The following WDFY2 variants were observed in gnomAD, a reference collection of about 807,000 sequenced individuals.
WDFY2 encodes WD repeat and FYVE domain-containing protein 2.
WDFY2 carries 36 observed loss-of-function variants against 56.4 expected under a neutral mutation model. The observed-to-expected ratio is 0.64, with a 90% CI of 0.49 to 0.84. WDFY2 has a LOEUF of 0.84. Ranked by LOEUF, WDFY2 falls within the 40% of genes least tolerant of loss-of-function variation. The pLI, the probability that WDFY2 is intolerant of heterozygous loss-of-function variation, is 0.00. For synonymous variants in WDFY2, 176 were observed against 183.7 expected, an observed-to-expected ratio of 0.96 and a Z score of 0.34; for missense variants, 444 against 512.2, an observed-to-expected ratio of 0.87 and a Z score of 1.29.
intron 4 of WDFY2, among the ~76,000 whole-genome samples, chr13:51,718,887 G>T (rs1375273485): frequency 2.0e-5 from 3 of 152,206 alleles, no homozygotes; most frequent in African/African-American, 7.2e-5. Context: ...GAGGGAGGTG[G>T]CCCAGGCCCT....
At chr13:51,686,818 A>G (rs1401307008) in intron 3 of WDFY2, among the ~76,000 whole-genome samples, 1 of 152,052 alleles carries the variant, frequency 6.6e-6, no homozygotes, top group Non-Finnish European at 1.5e-5. Flanking sequence ...ATTTTTCAGT[A>G]TTGATTAGGA....
rs1338542143 is a variant in WDFY2 at position 51,763,560 on chromosome 13, A to C, written c.*3791A>C. 1 of 152,234 alleles carries C rather than the reference A, an allele frequency of 6.6e-6. No homozygotes were observed. The highest frequency in any genetic ancestry group is 1.5e-5 in the Non-Finnish European group (1 of 68,058). 9.4% of individuals were successfully genotyped at this position (152,234 alleles called of 1,614,324 possible). A position where few individuals can be genotyped will look rare whatever the true frequency, so the allele number is the denominator to read the frequency against. On this transcript the variant is annotated 3_prime_UTR_variant, in exon 12 of 12. Transcript: ENST00000298125. ...ACACCTATAATCTGAACACTTTGGG[A>C]GGACAAGGTGGGAGGATTGCTGAGC...
chr13:51,728,381 A>T (rs1463888544), intron 6 of WDFY2, among the ~76,000 whole-genome samples: 1 of 152,216 alleles, frequency 6.6e-6, no homozygotes, highest in Non-Finnish European at 1.5e-5. Flanking sequence ...ATTCATGCTT[A>T]GCCTTTGAAA....
intron 1 of WDFY2, among the ~76,000 whole-genome samples, chr13:51,647,067 A>G (rs1955275920): frequency 6.6e-6 from 1 of 152,210 alleles, no homozygotes; most frequent in Non-Finnish European, 1.5e-5. Context: ...TATTATAAGT[A>G]ATTTAGAGAT....
chr13:51,726,268 G>A (rs1443970803), intron 5 of WDFY2, among the ~76,000 whole-genome samples: 1 of 152,170 alleles, frequency 6.6e-6, no homozygotes, highest in Non-Finnish European at 1.5e-5. Context: ...TGGTGTCTGT[G>A]TATAAAGATC....
intron 3 of WDFY2, among the ~76,000 whole-genome samples, chr13:51,679,863 T>G (rs1380278120): frequency 6.6e-6 from 1 of 152,152 alleles, no homozygotes; most frequent in Non-Finnish European, 1.5e-5. Flanking sequence ...TCTCTCCAGT[T>G]CTTGCCTGCA....
At chr13:51,682,352 A>G (rs1955993869) in intron 3 of WDFY2, among the ~76,000 whole-genome samples, 1 of 152,170 alleles carries the variant, frequency 6.6e-6, no homozygotes, top group Non-Finnish European at 1.5e-5. Context: ...TGATGTAATT[A>G]TTTTATTAAT....
Position 51,761,002 on chromosome 13 carries a change from C to T in WDFY2, c.*1233C>T, listed in dbSNP as rs1196527474. 6.6e-6 allele frequency: 1 copy of T among 152,238 alleles called. No homozygotes were observed. The highest frequency in any genetic ancestry group is 6.5e-5 in the Admixed American group (1 of 15,284). The allele number at this position is 152,238 out of a possible 1,614,324, so 9.4% of individuals were successfully genotyped here. A position where few individuals can be genotyped will look rare whatever the true frequency, so the allele number is the denominator to read the frequency against. ...TAAGTTGTGTTTTTCTGTGTGACAT[C>T]ATCTCTGAACTTGAACATGTTCATT... On this transcript the variant is annotated 3_prime_UTR_variant, in exon 12 of 12. Transcript: ENST00000298125.
intron 3 of WDFY2, among the ~76,000 whole-genome samples, chr13:51,699,712 G>A (rs1180748854): frequency 6.6e-6 from 1 of 152,202 alleles, no homozygotes; most frequent in African/African-American, 2.4e-5. Context: ...AAAATAAGCT[G>A]TCAAATGAAG....
chr13:51,758,966 G>A (rs1166328779), intron 11 of WDFY2, among the ~76,000 whole-genome samples: 3 of 152,138 alleles, frequency 2.0e-5, no homozygotes, highest in Admixed American at 6.5e-5. Context: ...AGGATCACTT[G>A]ACCCCAGGAG....
rs545594401 is a variant in WDFY2 at position 51,743,654 on chromosome 13, C to T, written c.725+4479C>T. Among the ~76,000 whole-genome samples, 5 of 152,298 alleles carry T rather than the reference C, an allele frequency of 3.3e-5. No homozygotes were observed. The South Asian group carries it at 6.2e-4, about 19-fold the overall frequency. On this transcript the variant is annotated intron_variant, in intron 7 of 11. Coordinates refer to ENST00000298125, the MANE Select transcript of WDFY2 (RefSeq NM_052950.4). ...ACACATGTTTACTGAACTCCAGCTA[C>T]ATACCAGACTTTGTGTTAGGTACTC...
chr13:51,707,067 A>G (rs1353455868), intron 4 of WDFY2, among the ~76,000 whole-genome samples: 2 of 152,264 alleles, frequency 1.3e-5, no homozygotes, highest in Non-Finnish European at 2.9e-5. Flanking sequence ...AGTCATTGAA[A>G]TAAAAAATCA....
At position 51,761,872 on chromosome 13, in the gene WDFY2, A is replaced by G. The variant is rs1953593631; in HGVS notation, c.*2103A>G. ...TGACCGGAGCTCTGAAGAGGCACACACGCATGCCCCGCACAGGCTGTTAGC... is the reference window on the plus strand; with the variant it reads ...TGACCGGAGCTCTGAAGAGGCACACGCGCATGCCCCGCACAGGCTGTTAGC... On this transcript the variant is annotated 3_prime_UTR_variant, in exon 12 of 12. Coordinates refer to ENST00000298125, the MANE Select transcript of WDFY2 (RefSeq NM_052950.4). 1 of 152,220 alleles carries G rather than the reference A, an allele frequency of 6.6e-6. No homozygotes were observed. Among genetic ancestry groups the G allele is most frequent in the African/African-American group, 2.4e-5 (1 of 41,458 alleles). 9.4% of individuals were successfully genotyped at this position (152,220 alleles called of 1,614,324 possible). A position where few individuals can be genotyped will look rare whatever the true frequency, so the allele number is the denominator to read the frequency against.
intron 4 of WDFY2, among the ~76,000 whole-genome samples, chr13:51,715,945 C>T (rs765664187): frequency 6.6e-5 from 10 of 152,124 alleles, no homozygotes; most frequent in Non-Finnish European, 1.2e-4. Context: ...TTCATAACAA[C>T]GTTATTCATA....
intron 3 of WDFY2, among the ~76,000 whole-genome samples, chr13:51,681,761 C>T (rs1955980936): frequency 6.6e-6 from 1 of 152,100 alleles, no homozygotes; most frequent in Non-Finnish European, 1.5e-5. Context: ...TCTTAGAGTG[C>T]TGACATTCCA....
chr13:51,657,688 C>T (rs922834956), intron 1 of WDFY2, among the ~76,000 whole-genome samples: 3 of 152,102 alleles, frequency 2.0e-5, no homozygotes, highest in Non-Finnish European at 4.4e-5. Flanking sequence ...TTTCAGTTGT[C>T]CCATCTTCAG....
intron 1 of WDFY2, among the ~76,000 whole-genome samples, chr13:51,654,294 C>CCA (rs1265541997): frequency 6.6e-6 from 1 of 152,152 alleles, no homozygotes; most frequent in Non-Finnish European, 1.5e-5. Context: ...TTTCCATGTG[C>CCA]CATCTTTCAC....
At chr13:51,685,158 C>A (rs1956040203) in intron 3 of WDFY2, among the ~76,000 whole-genome samples, 1 of 152,146 alleles carries the variant, frequency 6.6e-6, no homozygotes, top group Non-Finnish European at 1.5e-5. Context: ...GCTTTAAGCC[C>A]CAAACCCATT....
intron 1 of WDFY2, among the ~76,000 whole-genome samples, chr13:51,655,623 C>T (rs892879855): frequency 1.3e-5 from 2 of 152,092 alleles, no homozygotes; most frequent in Non-Finnish European, 2.9e-5. Flanking sequence ...AATCTGTCTT[C>T]ATGAAGATTT....
Sources: allele counts gnomAD v4.1 joint callset (sites outside exome capture counted in the v4.1 genomes callset), GRCh38; gene constraint gnomAD v4.1.1; transcripts MANE v1.5; gene names NCBI Gene and HGNC (gene_info 2026-07-23, HGNC 2026-07-21).